OR3A2: variants seen among roughly 807,000 people sequenced by gnomAD.
OR3A2 encodes the protein olfactory receptor family 3 subfamily A member 2.
For synonymous variants in OR3A2, 126 were observed against 159.3 expected (o/e 0.79, Z 1.57); for missense variants, 318 against 392.8 (o/e 0.81, Z 1.61).
chr17:3,376,816 G>A (rs1476743217), intron 2 of OR3A2, among the ~76,000 whole-genome samples: 1 of 152,122 alleles, frequency 6.6e-6, no homozygotes, highest in African/African-American at 2.4e-5. Context: ...CAATTCTGCT[G>A]GCTGCCTTTC....
intron 2 of OR3A2, among the ~76,000 whole-genome samples, chr17:3,356,680 T>C (rs1295512974): frequency 6.6e-6 from 1 of 151,532 alleles, no homozygotes; most frequent in East Asian, 1.9e-4. Context: ...AGCATCCAGA[T>C]CACCAATCAA....
chr17:3,371,963 C>A (rs1228466472), intron 2 of OR3A2, among the ~76,000 whole-genome samples: 1 of 148,954 alleles, frequency 6.7e-6, no homozygotes, highest in Non-Finnish European at 1.5e-5. Context: ...GGCTGCCAGG[C>A]GGAGACGCTC....
At chr17:3,321,265 T>G (rs1367172303) in intron 3 of OR3A2, among the ~76,000 whole-genome samples, 1 of 152,052 alleles carries the variant, frequency 6.6e-6, no homozygotes, top group Non-Finnish European at 1.5e-5. Flanking sequence ...CTTATCAGCT[T>G]AAGGAGATTT....
chr17:3,365,496 T>C (rs761895907), intron 2 of OR3A2, among the ~76,000 whole-genome samples: 3 of 152,196 alleles, frequency 2.0e-5, no homozygotes, highest in African/African-American at 7.2e-5. Context: ...ATGGAGGCTA[T>C]GCTGAGGTAA....
At chr17:3,316,579 C>G (rs1398714333) in intron 3 of OR3A2, among the ~76,000 whole-genome samples, 4 of 152,172 alleles carry the variant, frequency 2.6e-5, no homozygotes, top group Non-Finnish European at 4.4e-5. Context: ...ATTTTAAAAT[C>G]TGTGTTCTCA....
intron 3 of OR3A2, chr17:3,292,178 G>A (rs767854174): frequency 1.2e-6 from 2 of 1,614,220 alleles, no homozygotes; most frequent in East Asian, 2.2e-5. Flanking sequence ...TGCGGGTGCT[G>A]TAGGTGAGGG....
At chr17:3,306,679 CAAA>C (rs71153340) in intron 3 of OR3A2, among the ~76,000 whole-genome samples, 3,655 of 109,276 alleles carry the variant, frequency 0.033, 135 homozygotes, top group Middle Eastern at 0.093. Context: ...TACTACTCTT[CAAA>C]AAAAAAAAAA....
intron 2 of OR3A2, among the ~76,000 whole-genome samples, chr17:3,347,056 G>A (rs1022408122): frequency 6.6e-6 from 1 of 152,076 alleles, no homozygotes; most frequent in African/African-American, 2.4e-5. Flanking sequence ...TATATACGTA[G>A]CAGCGAGACT....
At position 3,331,503 on chromosome 17, in the gene OR3A2, G is replaced by A. The variant is rs879360513; in HGVS notation, c.-85+4530C>T. Among the ~76,000 whole-genome samples the A allele has an allele frequency of 2.8e-3, 413 of 150,034 alleles. 1 individual carries two copies. The highest frequency in any genetic ancestry group is 0.017 in the Middle Eastern group (5 of 290). On this transcript the variant is annotated intron_variant, in intron 3 of 4. Coordinates refer to the OR3A2 transcript ENST00000573491. The stretch of plus-strand genomic sequence containing the variant: ...CTGATACCCTTTCTTCCAGTTGATC[G>A]CATCGGCTCCTGAGGCTTCTGCATT...
rs770936941 is a variant in OR3A2, at chr17:3,311,197, C to A, written c.-85+24836G>T. On this transcript the variant is annotated intron_variant, in intron 3 of 4. Coordinates refer to the OR3A2 transcript ENST00000573491. This position sits in a 1 kb window ranked among gnomAD's most constrained non-coding sequence, Gnocchi z 4.6. ...CTGAACCCACTCATCTACTGGACAT[C>A]TCTGCTGGACGTCGGGTGCATCAGT... is the stretch of plus-strand genomic sequence containing the variant. 1 of 537,184 alleles carries A rather than the reference C, an allele frequency of 1.9e-6. No homozygotes were observed. Among genetic ancestry groups the A allele is most frequent in the Admixed American group, 1.9e-5 (1 of 51,756 alleles). The allele number at this position is 537,184 out of a possible 1,614,324, so 33.3% of individuals were successfully genotyped here.
chr17:3,325,131 T>C (rs535146666), intron 3 of OR3A2, among the ~76,000 whole-genome samples: 21 of 152,118 alleles, frequency 1.4e-4, no homozygotes, highest in African/African-American at 4.8e-4. Context: ...TCAAAATTCA[T>C]TTTAGTAAAT....
chr17:3,339,271 C>T (rs2049296035), intron 2 of OR3A2, among the ~76,000 whole-genome samples: 1 of 152,166 alleles, frequency 6.6e-6, no homozygotes, highest in Non-Finnish European at 1.5e-5. Flanking sequence ...CTTTCTCCTG[C>T]CTGACTGCCC....
upstream of OR3A2, among the ~76,000 whole-genome samples, chr17:3,287,851 T>C (rs538448553): frequency 6.6e-6 from 1 of 151,818 alleles, no homozygotes; most frequent in South Asian, 2.1e-4. Flanking sequence ...ATATACTGTA[T>C]ATGTAATCGA....
chr17:3,291,627 A>G (rs897811414), intron 3 of OR3A2: 3 of 1,577,220 alleles, frequency 1.9e-6, no homozygotes, highest in Non-Finnish European at 2.6e-6. Context: ...GGGTCAATTG[A>G]GACCTCCTCA....
intron 2 of OR3A2, among the ~76,000 whole-genome samples, chr17:3,341,088 C>A (rs902037237): frequency 6.6e-6 from 1 of 151,996 alleles, no homozygotes; most frequent in Non-Finnish European, 1.5e-5. Flanking sequence ...GAATTGCAAC[C>A]CCTGCTTGTT....
In OR3A2 at chr17:3,328,524, C is replaced by T. The variant is rs1275096462; in HGVS notation, c.-85+7509G>A. Among the ~76,000 whole-genome samples, 7 of 140,528 alleles carry T rather than the reference C, an allele frequency of 5.0e-5. No individual in the cohort carries two copies. The East Asian group carries it at 1.2e-3, about 24-fold the overall frequency. 92.2% of individuals were successfully genotyped at this position (140,528 alleles called of 152,430 possible). A position where few individuals can be genotyped will look rare whatever the true frequency, so the allele number is the denominator to read the frequency against. On this transcript the variant is annotated intron_variant, in intron 3 of 4. Coordinates refer to the OR3A2 transcript ENST00000573491. ...GCAAACAGGGACAATTTGACTTCCTCTTTTCCTAATTGAATACCCTTTATT... is the reference window on the plus strand; with the variant it reads ...GCAAACAGGGACAATTTGACTTCCTTTTTTCCTAATTGAATACCCTTTATT...
At chr17:3,316,222 A>G (rs540518479) in intron 3 of OR3A2, among the ~76,000 whole-genome samples, 3 of 152,360 alleles carry the variant, frequency 2.0e-5, no homozygotes, top group Non-Finnish European at 2.9e-5. Context: ...TCCTGACACT[A>G]AAAGAAACTT....
intron 3 of OR3A2, among the ~76,000 whole-genome samples, chr17:3,331,904 CCTTT>C (rs2049238202): frequency 6.6e-6 from 1 of 150,972 alleles, no homozygotes; most frequent in Non-Finnish European, 1.5e-5. Context: ...GTGTGGATGT[CCTTT>C]CTGTTTGTTA....
chr17:3,293,166 A>AT (rs201981105), intron 3 of OR3A2, among the ~76,000 whole-genome samples: 3 of 150,954 alleles, frequency 2.0e-5, no homozygotes, highest in African/African-American at 7.3e-5. Context: ...AAAAAAAAAA[A>AT]GGGTGGGTAG....
Sources: gnomAD v4.1 joint callset for allele counts (sites outside exome capture counted in the v4.1 genomes callset) on GRCh38, gnomAD v4.1.1 for gene constraint, Gnocchi (gnomAD v3.1) non-coding constraint, MANE v1.5 for transcripts, NCBI Gene and HGNC (gene_info 2026-07-23, HGNC 2026-07-21) for gene names.